MEGF11: variants seen among roughly 807,000 people sequenced by gnomAD.
MEGF11 encodes multiple EGF like domains 11.
A neutral mutation model predicts 146.6 loss-of-function variants in MEGF11; 126 were observed. That is an observed-to-expected ratio of 0.86 (90% CI 0.74 to 1.00). The LOEUF is 1.00. Ranked by LOEUF, MEGF11 falls within the 50% of genes least tolerant of loss-of-function variation. The probability of loss-of-function intolerance (pLI) is 0.00; values close to 1 mark genes in which losing one functional copy is unlikely to be tolerated. For synonymous variants in MEGF11, 532 were observed against 583.4 expected (o/e 0.91, Z 1.27); for missense variants, 1,509 against 1,521.2 (o/e 0.99, Z 0.13).
chr15:66,160,659 A>T, intron 1 of MEGF11, among the ~76,000 whole-genome samples: 1 of 117,958 alleles, frequency 8.5e-6, no homozygotes, highest in South Asian at 3.2e-4. Flanking sequence ...TCTAGGCCCT[A>T]AGGGGACACA....
At chr15:66,161,151 C>T (rs896183277) in intron 1 of MEGF11, among the ~76,000 whole-genome samples, 1 of 152,126 alleles carries the variant, frequency 6.6e-6, no homozygotes. Context: ...TCCTTGAATA[C>T]GTGAAGTCAG....
chr15:65,953,210 A>G (rs374760799), intron 10 of MEGF11, among the ~76,000 whole-genome samples: 13 of 152,192 alleles, frequency 8.5e-5, no homozygotes, highest in African/African-American at 3.1e-4. Flanking sequence ...TATTTCAGGC[A>G]CTGGCTTTGA....
intron 5 of MEGF11, among the ~76,000 whole-genome samples, chr15:66,049,837 C>T (rs536038369): frequency 1.1e-4 from 16 of 152,320 alleles, no homozygotes; most frequent in African/African-American, 3.8e-4. Context: ...ACCCTTCTCC[C>T]AGAGCTGATG....
intron 24 of MEGF11, chr15:65,902,665 GCAT>G (rs1301258709): frequency 1.3e-5 from 2 of 152,346 alleles, no homozygotes; most frequent in African/African-American, 4.8e-5. Flanking sequence ...GAAAGAGGAA[GCAT>G]CAACCCAGGC....
intron 9 of MEGF11, among the ~76,000 whole-genome samples, chr15:65,959,967 A>G (rs1355985700): frequency 6.6e-6 from 1 of 152,186 alleles, no homozygotes; most frequent in Non-Finnish European, 1.5e-5. Flanking sequence ...TAAATGAATT[A>G]TGACATCCAT....
chr15:65,922,864 C>T lies in MEGF11; in HGVS notation c.1781G>A (p.Cys594Tyr), dbSNP rs370562748. Residue 594 changes from cysteine (C) to tyrosine (Y), a missense_variant, in exon 14 of 26, where the codon TGC (cysteine) becomes TAC (tyrosine). Cys to Tyr is a radical substitution (Grantham distance 194, BLOSUM62 -2). Coordinates refer to ENST00000395614, the MANE Select transcript of MEGF11 (RefSeq NM_001385028.1). Reference protein sequence around the residue: ...GGSCSPEDGSCECAPGFRGPL... With the variant: ...GGSCSPEDGSYECAPGFRGPL... ...TCCTCGGAAGCCAGGGGCACACTCG[C>T]AGCTCCCATCCTCTGGGGAGCAGGA... The T allele has an allele frequency of 1.1e-5, 17 of 1,613,624 alleles. No homozygotes were observed. The highest frequency in any genetic ancestry group is 1.4e-5 in the Non-Finnish European group (16 of 1,179,836).
chr15:66,103,179 C>T (rs1011971663), intron 4 of MEGF11, among the ~76,000 whole-genome samples: 1 of 152,232 alleles, frequency 6.6e-6, no homozygotes, highest in African/African-American at 2.4e-5. Flanking sequence ...AGACCGGCAG[C>T]TGCAGCCATA....
chr15:66,031,498 G>A (rs996572401), intron 5 of MEGF11, among the ~76,000 whole-genome samples: 1 of 152,164 alleles, frequency 6.6e-6, no homozygotes, highest in Non-Finnish European at 1.5e-5. Flanking sequence ...CAGATCAGAG[G>A]TGGAGCACAG....
At chr15:65,898,219 A>G (rs2078399605) in intron 25 of MEGF11, 125 bp from the exon 26 acceptor site, 11 of 1,457,390 alleles carry the variant, frequency 7.5e-6, no homozygotes, top group Admixed American at 5.1e-5. Context: ...TGGCAAATAC[A>G]TGAGGGTTAG....
chr15:66,224,692 A>G lies in MEGF11; in HGVS notation c.-9+28913T>C, dbSNP rs541903724. Among the ~76,000 whole-genome samples, 635 of 146,700 alleles carry G rather than the reference A, an allele frequency of 4.3e-3. 9 individuals are homozygous for G. The highest frequency in any genetic ancestry group is 0.015 in the African/African-American group (606 of 40,336). On this transcript the variant is annotated intron_variant, in intron 1 of 25. Coordinates refer to ENST00000395614, the MANE Select transcript of MEGF11 (RefSeq NM_001385028.1). ...TATATTTATATATAATATATAAAGT[A>G]TATATATTTTATATATACATTTTAT...
At chr15:66,077,157 A>T (rs1048370359) in intron 5 of MEGF11, among the ~76,000 whole-genome samples, 1 of 152,202 alleles carries the variant, frequency 6.6e-6, no homozygotes, top group Non-Finnish European at 1.5e-5. Context: ...CCACCAGTCC[A>T]GCCTGGCTCC....
At chr15:66,058,903 T>C (rs2084785847) in intron 5 of MEGF11, among the ~76,000 whole-genome samples, 2 of 152,114 alleles carry the variant, frequency 1.3e-5, no homozygotes, top group Non-Finnish European at 2.9e-5. Context: ...CCCCAAGCCC[T>C]GTAGTGCCCT....
intron 1 of MEGF11, among the ~76,000 whole-genome samples, chr15:66,208,021 G>A (rs533606519): frequency 6.6e-6 from 1 of 151,690 alleles, no homozygotes; most frequent in African/African-American, 2.4e-5. Context: ...GGAGGTGGAG[G>A]TTGCAGTGAG....
At chr15:65,920,167 C>T (rs778834531) in intron 15 of MEGF11, among the ~76,000 whole-genome samples, 29 of 152,166 alleles carry the variant, frequency 1.9e-4, no homozygotes, top group Non-Finnish European at 3.8e-4. Context: ...TCTCTGTTTC[C>T]TCATCTTTGA....
intron 5 of MEGF11, among the ~76,000 whole-genome samples, chr15:66,016,761 A>T (rs941053939): frequency 6.6e-6 from 1 of 152,258 alleles, no homozygotes; most frequent in East Asian, 1.9e-4. Context: ...TTAATTTATT[A>T]TAAATATAAA....
intron 5 of MEGF11, among the ~76,000 whole-genome samples, chr15:66,043,025 G>A (rs2084049725): frequency 6.6e-6 from 1 of 152,210 alleles, no homozygotes; most frequent in Non-Finnish European, 1.5e-5. Context: ...CAATCCTTCC[G>A]AATCAGGGAC....
intron 5 of MEGF11, among the ~76,000 whole-genome samples, chr15:66,032,646 A>T (rs961663664): frequency 1.7e-4 from 26 of 152,280 alleles, no homozygotes; most frequent in African/African-American, 6.3e-4. Flanking sequence ...ATAAAGTAGC[A>T]AAGAACTTGG....
rs534261465 is a variant in MEGF11, at chr15:65,912,122, G to T, written c.2789C>A (p.Thr930Asn). 2.4e-4 allele frequency: 295 copies of T among 1,232,210 alleles called. 1 individual carries two copies. The South Asian group carries it at 3.7e-3, about 15-fold the overall frequency. The allele number at this position is 1,232,210 out of a possible 1,614,324, so 76.3% of individuals were successfully genotyped here. A position where few individuals can be genotyped will look rare whatever the true frequency, so the allele number is the denominator to read the frequency against. Reference protein sequence around the residue: ...YHALACGGPATSQASTLDRNS... With the variant: ...YHALACGGPANSQASTLDRNS... ...CCTGTCCAGAGTGCTGGCCTGGCTG[G>T]TGGCAGGCCCCCCACATGCCAGTGC... The change falls in exon 21 of 26, where the codon ACC becomes AAC. Residue 930 changes from threonine (T) to asparagine (N), a missense_variant. Transcript: ENST00000395614.
Position 66,032,556 on chromosome 15 carries a change from T to C in MEGF11, c.395-50068A>G, listed in dbSNP as rs111466969. On this transcript the variant is annotated intron_variant, in intron 5 of 25. Transcript: ENST00000395614. ...ACCAGAATGTTGATAGAAATATGCATAGCAAAGGCCACTCTGACAAAGTCA... is the reference window on the plus strand; with the variant it reads ...ACCAGAATGTTGATAGAAATATGCACAGCAAAGGCCACTCTGACAAAGTCA... Among the ~76,000 whole-genome samples the C allele has an allele frequency of 4.5e-3, 680 of 152,286 alleles. 7 individuals are homozygous for C. The highest frequency in any genetic ancestry group is 0.016 in the African/African-American group (652 of 41,564).
Sources: allele counts gnomAD v4.1 joint callset (sites outside exome capture counted in the v4.1 genomes callset), GRCh38; gene constraint gnomAD v4.1.1; transcripts MANE v1.5; gene names NCBI Gene and HGNC (gene_info 2026-07-23, HGNC 2026-07-21).